SLC5A1: variants seen among roughly 807,000 people sequenced by gnomAD.
SLC5A1 encodes the protein sodium/glucose cotransporter 1.
In SLC5A1, 42 loss-of-function variants were observed where a neutral mutation model predicts 73.5. The ratio of observed to expected loss-of-function variants is 0.57; its 90% CI spans 0.45 to 0.74. SLC5A1 has a LOEUF of 0.74. Ranked by LOEUF, SLC5A1 falls within the 30% of genes least tolerant of loss-of-function variation. The probability of loss-of-function intolerance (pLI) is 0.00; values close to 1 mark genes in which losing one functional copy is unlikely to be tolerated. For missense variants in SLC5A1, 634 were observed against 855.4 expected (o/e 0.74, Z 3.23); for synonymous variants, 300 against 317.4 (o/e 0.95, Z 0.58).
chr22:32,056,891 G>C (rs2149484822), intron 2 of SLC5A1, among the ~76,000 whole-genome samples: 1 of 152,272 alleles, frequency 6.6e-6, no homozygotes, highest in East Asian at 1.9e-4. Context: ...TAAAAACATG[G>C]GCTGTGTAAA....
In SLC5A1 at chr22:32,069,331, G is replaced by C. The variant is rs79855322; in HGVS notation, c.477+731G>C. ...ACAAAATTTCAGTTAGATAGGAGGA[G>C]TAAGTTCAAGAGATCTATTGTACAA... On this transcript the variant is annotated intron_variant, in intron 5 of 14. Coordinates refer to ENST00000266088, the MANE Select transcript of SLC5A1 (RefSeq NM_000343.4). Among the ~76,000 whole-genome samples, 13 of 152,050 alleles carry C rather than the reference G, an allele frequency of 8.5e-5. No homozygotes were observed. The East Asian group carries it at 2.5e-3, about 29-fold the overall frequency.
rs565272257 is a variant in SLC5A1 at position 32,068,584 on chromosome 22, T to C, written c.461T>C (p.Ile154Thr). The C allele has an allele frequency of 1.3e-5, 21 of 1,612,690 alleles. No individual in the cohort carries two copies. Among genetic ancestry groups the C allele is most frequent in the African/African-American group, 4.0e-5 (3 of 74,764 alleles). ...TCCCTTCTGTCCCTGCTGCTCTACA[T>C]TTTCACCAAGATCTCGGTGAGTCCA... is the stretch of plus-strand genomic sequence containing the variant. ...YLSLLSLLLY[I>T]FTKISADIFS... The change falls in exon 5 of 15, where the codon ATT becomes ACT. Residue 154 changes from isoleucine to threonine, a missense_variant. This residue lies in a region of SLC5A1 where 422 missense variants were observed against 626.1 expected (regional missense o/e 0.67). Coordinates refer to ENST00000266088, the MANE Select transcript of SLC5A1 (RefSeq NM_000343.4).
intron 1 of SLC5A1, among the ~76,000 whole-genome samples, chr22:32,044,820 G>A (rs1318052397): frequency 1.8e-4 from 28 of 152,112 alleles, no homozygotes; most frequent in Admixed American, 1.8e-3. Flanking sequence ...GAATCTGAAA[G>A]CTGTTTATGG....
chr22:32,094,513 T>C (rs2094023203), intron 11 of SLC5A1, among the ~76,000 whole-genome samples: 1 of 152,220 alleles, frequency 6.6e-6, no homozygotes, highest in African/African-American at 2.4e-5. Flanking sequence ...CATTTCAACT[T>C]CGCTGCTTGC....
chr22:32,080,175 C>T (rs187305923), intron 5 of SLC5A1, among the ~76,000 whole-genome samples: 3 of 152,256 alleles, frequency 2.0e-5, no homozygotes, highest in East Asian at 1.9e-4. Context: ...TCTAACTCAC[C>T]ATCTCTCCTC....
Position 32,084,671 on chromosome 22 carries a change from G to T in SLC5A1, c.885+12G>T, listed in dbSNP as rs762829196. 2.5e-6 allele frequency: 4 copies of T among 1,603,360 alleles called. No homozygotes were observed. The highest frequency in any genetic ancestry group is 2.2e-5 in the South Asian group (2 of 90,874). On this transcript the variant is annotated intron_variant, in intron 8 of 14. Transcript: ENST00000266088. The stretch of plus-strand genomic sequence containing the variant: ...GGTGCACAGATCAGGTACCCAAGCT[G>T]GATGTGCGGGATGGACAGAGTCTTC...
intron 13 of SLC5A1, among the ~76,000 whole-genome samples, chr22:32,102,734 C>T (rs2094038660): frequency 6.6e-6 from 1 of 152,216 alleles, no homozygotes; most frequent in Admixed American, 6.5e-5. Context: ...TGCTACCCTT[C>T]CTGGCCTCGG....
Position 32,043,498 on chromosome 22 carries a change from T to C in SLC5A1, c.135+82T>C. On this transcript the variant is annotated intron_variant, in intron 1 of 14. Coordinates refer to ENST00000266088, the MANE Select transcript of SLC5A1 (RefSeq NM_000343.4). The surrounding 1 kb of genome is among the most constrained non-coding windows in gnomAD (Gnocchi z 6.5). ...GGCCTCGCTGAGCTGCAAGGGGCAG[T>C]AGGCTTAAGTGTCGGTGGAGGGGAG... The C allele has an allele frequency of 6.9e-7, 1 of 1,452,412 alleles. No individual in the cohort carries two copies. Among genetic ancestry groups the C allele is most frequent in the Non-Finnish European group, 9.6e-7 (1 of 1,044,726 alleles). The allele number at this position is 1,452,412 out of a possible 1,614,324, so 90.0% of individuals were successfully genotyped here.
At chr22:32,048,229 C>T (rs1250260193) in intron 1 of SLC5A1, among the ~76,000 whole-genome samples, 3 of 151,448 alleles carry the variant, frequency 2.0e-5, no homozygotes, top group African/African-American at 7.3e-5. Flanking sequence ...AGCAAGTGTT[C>T]ACTGAGAGAA....
At chr22:32,084,393 G>T in intron 7 of SLC5A1, 46 bp from the exon 8 acceptor site, 1 of 1,530,264 alleles carries the variant, frequency 6.5e-7, no homozygotes, top group South Asian at 1.1e-5. Context: ...CTGCTATGAC[G>T]AGTTGAAGGT....
Position 32,043,310 on chromosome 22 carries a change from C to A in SLC5A1, c.29C>A (p.Thr10Asn). The change falls in exon 1 of 15, where the codon ACC (threonine) becomes AAC (asparagine). Residue 10 changes from threonine (T) to asparagine (N), a missense_variant. Coordinates refer to ENST00000266088, the MANE Select transcript of SLC5A1 (RefSeq NM_000343.4). This position sits in a 1 kb window ranked among gnomAD's most constrained non-coding sequence, Gnocchi z 6.5. MDSSTWSPKTTAVTRPVETH... is the reference protein window; with the variant it reads MDSSTWSPKNTAVTRPVETH... ...GACAGTAGCACCTGGAGCCCCAAGA[C>A]CACCGCGGTCACCCGGCCTGTTGAG... The A allele has an allele frequency of 6.2e-7, 1 of 1,614,172 alleles. No homozygotes were observed. Among genetic ancestry groups the A allele is most frequent in the Non-Finnish European group, 8.5e-7 (1 of 1,180,036 alleles).
chr22:32,048,889 G>C (rs1269751841), intron 1 of SLC5A1, among the ~76,000 whole-genome samples: 1 of 151,828 alleles, frequency 6.6e-6, no homozygotes, highest in Non-Finnish European at 1.5e-5. Flanking sequence ...TGGCCAATAT[G>C]GTGAAACCAG....
At chr22:32,107,681 G>A (rs1393673633) in intron 14 of SLC5A1, among the ~76,000 whole-genome samples, 1 of 152,150 alleles carries the variant, frequency 6.6e-6, no homozygotes, top group Admixed American at 6.5e-5. Flanking sequence ...GGGAACTTCC[G>A]TACTGGCTAG....
chr22:32,100,707 C>T (rs2094034844), intron 12 of SLC5A1, among the ~76,000 whole-genome samples: 2 of 152,216 alleles, frequency 1.3e-5, no homozygotes, highest in African/African-American at 2.4e-5. Context: ...CACCCCATGC[C>T]CAGCTAAGAA....
At position 32,102,043 on chromosome 22, in the gene SLC5A1, C is replaced by T. The variant is rs1319073220; in HGVS notation, c.1471C>T (p.Leu491=). 1.2e-6 allele frequency: 2 copies of T among 1,613,870 alleles called. No homozygotes were observed. The highest frequency in any genetic ancestry group is 1.7e-6 in the Non-Finnish European group (2 of 1,179,944). ...ACAGGGAGCCTTTTGGGGACTGATCCTAGGACTTCTGATTGGGATTTCACG... is the reference window on the plus strand; with the variant it reads ...ACAGGGAGCCTTTTGGGGACTGATCTTAGGACTTCTGATTGGGATTTCACG... The part of the protein sequence containing the change: ...NEPGAFWGLI[L]GLLIGISRMI... The change falls in exon 13 of 15, where the codon CTA becomes TTA. Residue 491 remains leucine (L), a synonymous_variant. Transcript: ENST00000266088.
At chr22:32,106,581 A>G (rs917425746) in intron 14 of SLC5A1, among the ~76,000 whole-genome samples, 5 of 152,232 alleles carry the variant, frequency 3.3e-5, no homozygotes, top group African/African-American at 1.2e-4. Context: ...AGTGACATCA[A>G]GATGAGGGGA....
rs1387850484 is a variant in SLC5A1 at position 32,084,435 on chromosome 22, C to A, written c.665-4C>A. ...ATGTTCATTTCTGTACCGATGTTTT[C>A]CAGCTTTTCACGAAGTGGGAGGCTA... On this transcript the variant is annotated splice_region_variant and splice_polypyrimidine_tract_variant and intron_variant, in intron 7 of 14. Coordinates refer to ENST00000266088, the MANE Select transcript of SLC5A1 (RefSeq NM_000343.4). The A allele has an allele frequency of 2.5e-6, 4 of 1,613,208 alleles. No homozygotes were observed. In the Admixed American group the frequency reaches 6.7e-5, roughly 27 times the overall value.
At chr22:32,077,885 C>T (rs1241401769) in intron 5 of SLC5A1, among the ~76,000 whole-genome samples, 5 of 152,144 alleles carry the variant, frequency 3.3e-5, no homozygotes, top group African/African-American at 1.2e-4. Flanking sequence ...AAAATTTCTG[C>T]TTCCTGCACT....
At chr22:32,087,556 T>C (rs570686566) in intron 10 of SLC5A1, among the ~76,000 whole-genome samples, 1 of 152,266 alleles carries the variant, frequency 6.6e-6, no homozygotes. Context: ...TGGATGGCAT[T>C]CAAGGCGGCT....
Sources: gnomAD v4.1 joint callset for allele counts (sites outside exome capture counted in the v4.1 genomes callset) on GRCh38, gnomAD v4.1.1 for gene constraint, gnomAD v4.1.1 regional missense constraint, Gnocchi (gnomAD v3.1) non-coding constraint, MANE v1.5 for transcripts, NCBI Gene and HGNC (gene_info 2026-07-23, HGNC 2026-07-21) for gene names.